The following EP300 variants were observed in gnomAD, a reference collection of about 807,000 sequenced individuals.
EP300 encodes the protein EP300 lysine acetyltransferase.
Under a neutral mutation model 264.0 loss-of-function variants are expected in EP300, and 31 were observed. The ratio of observed to expected loss-of-function variants is 0.12; its 90% CI spans 0.09 to 0.16. The LOEUF is 0.16. EP300 is among the 10% of genes least tolerant of loss of function. The pLI, the probability that EP300 is intolerant of heterozygous loss-of-function variation, is 1.00. For missense variants in EP300, 2,766 were observed against 3,052.9 expected (o/e 0.91, Z 2.21); for synonymous variants, 1,340 against 1,045.4 (o/e 1.28, Z -5.44).
intron 1 of EP300, among the ~76,000 whole-genome samples, chr22:41,099,565 CTA>C (rs1397040956): frequency 6.6e-6 from 1 of 152,158 alleles, no homozygotes; most frequent in Non-Finnish European, 1.5e-5. Flanking sequence ...AACAGCAAAA[CTA>C]TCACGAATTT....
chr22:41,176,549 A>C (rs1401125790), intron 30 of EP300, 21 bp downstream of exon 30: 2 of 1,613,216 alleles, frequency 1.2e-6, no homozygotes, highest in African/African-American at 2.7e-5. Context: ...GGTTGTGGGA[A>C]GGAGGAGGTG....
chr22:41,152,018 A>G lies in EP300; in HGVS notation c.2997+6A>G. 6.2e-7 allele frequency: 1 copy of G among 1,614,180 alleles called. No homozygotes were observed. Among genetic ancestry groups the G allele is most frequent in the Non-Finnish European group, 8.5e-7 (1 of 1,180,022 alleles). ...AGCCGGAGGATATTTCAGAGGTGAG[A>G]GTAGGGCAATTACTGTTTGATTTGG... On this transcript the variant is annotated splice_donor_region_variant and intron_variant, in intron 15 of 30. Coordinates refer to ENST00000263253, the MANE Select transcript of EP300 (RefSeq NM_001429.4).
intron 5 of EP300, 81 bp from the exon 6 acceptor site, chr22:41,131,307 G>T: frequency 1.4e-6 from 2 of 1,432,216 alleles, no homozygotes; most frequent in Non-Finnish European, 2.0e-6. Flanking sequence ...CAATAATTTT[G>T]TGGGGTTTTT....
intron 1 of EP300, among the ~76,000 whole-genome samples, chr22:41,109,268 A>AC (rs2058775447): frequency 6.6e-6 from 1 of 150,482 alleles, no homozygotes; most frequent in African/African-American, 2.4e-5. Flanking sequence ...AAAAAAAAAA[A>AC]CAAAAAAAAA....
chr22:41,162,838 C>T, intron 21 of EP300, 59 bp downstream of exon 21: 1 of 1,447,926 alleles, frequency 6.9e-7, no homozygotes, highest in Non-Finnish European at 9.7e-7. Context: ...CCCTTTCATT[C>T]TCTTGAAGTT....
In EP300 at chr22:41,137,676, G is replaced by A. The variant is rs753017200; in HGVS notation, c.1646G>A (p.Ser549Asn). The change falls in exon 8 of 31, where the codon AGT becomes AAT. Residue 549 changes from serine (S) to asparagine (N), a missense_variant. Physicochemically the swap from Ser to Asn is conservative, Grantham distance 46. Transcript: ENST00000263253. ...SQNPMMSENA[S>N]VPSLGPMPTA... ...AGCCCAATGATGAGTGAAAATGCCAGTGTGCCCTCCCTGGGTCCTATGCCA... is the reference window on the plus strand; with the variant it reads ...AGCCCAATGATGAGTGAAAATGCCAATGTGCCCTCCCTGGGTCCTATGCCA... 2.5e-6 allele frequency: 4 copies of A among 1,614,126 alleles called. No homozygotes were observed. Among genetic ancestry groups the A allele is most frequent in the Non-Finnish European group, 3.4e-6 (4 of 1,180,032 alleles).
Position 41,178,150 on chromosome 22 carries a change from C to G in EP300, c.6439C>G (p.Gln2147Glu), listed in dbSNP as rs757934635. The change falls in exon 31 of 31, where the codon CAG becomes GAG. Residue 2147 changes from glutamine to glutamate, a missense_variant. Coordinates refer to ENST00000263253, the MANE Select transcript of EP300 (RefSeq NM_001429.4). Reference sequence around the variant, plus strand: ...GGGCGTTCAGAGGGCTGGCCTGCCCCAGCAGCAACCACAGCAGCAACTCCA... The same window carrying G: ...GGGCGTTCAGAGGGCTGGCCTGCCCGAGCAGCAACCACAGCAGCAACTCCA... ...QAGVQRAGLP[Q>E]QQPQQQLQPP... is the part of the protein sequence containing the mutation. The G allele has an allele frequency of 6.2e-7, 1 of 1,614,060 alleles. No homozygotes were observed. Among genetic ancestry groups the G allele is most frequent in the South Asian group, 1.1e-5 (1 of 91,084 alleles).
intron 2 of EP300, among the ~76,000 whole-genome samples, chr22:41,123,306 A>T (rs1569093663): frequency 6.6e-6 from 1 of 152,210 alleles, no homozygotes; most frequent in East Asian, 1.9e-4. Flanking sequence ...CAAATGCTGG[A>T]GGCTCAAGGA....
chr22:41,105,008 C>T (rs1281435045), intron 1 of EP300, among the ~76,000 whole-genome samples: 2 of 151,720 alleles, frequency 1.3e-5, no homozygotes, highest in Non-Finnish European at 2.9e-5. Flanking sequence ...ACTAAAAATA[C>T]AAAAAAATTA....
At chr22:41,169,286 C>T (rs1297820350) in intron 25 of EP300, 1 of 593,490 alleles carries the variant, frequency 1.7e-6, no homozygotes, top group Non-Finnish European at 3.0e-6. Context: ...GTGCCAGGCA[C>T]TGCTAGTTAC....
At chr22:41,097,967 T>TA (rs1451989984) in intron 1 of EP300, among the ~76,000 whole-genome samples, 1 of 152,020 alleles carries the variant, frequency 6.6e-6, no homozygotes, top group African/African-American at 2.4e-5. Context: ...GTGCTGGGAT[T>TA]ACAGGCGTGA....
chr22:41,172,395 A>G (rs1601635808), intron 27 of EP300, 104 bp from the exon 28 acceptor site: 1 of 1,082,480 alleles, frequency 9.2e-7, no homozygotes, highest in Non-Finnish European at 1.4e-6. Context: ...CCAGCTTTCA[A>G]GACATTTTAA....
intron 27 of EP300, among the ~76,000 whole-genome samples, chr22:41,171,712 A>G (rs1569118072): frequency 6.6e-6 from 1 of 151,564 alleles, no homozygotes; most frequent in East Asian, 1.9e-4. Flanking sequence ...CCTGGGTTCA[A>G]GTGATGGTCC....
chr22:41,168,193 T>C (rs1025251903), intron 23 of EP300: 6 of 484,986 alleles, frequency 1.2e-5, no homozygotes, highest in East Asian at 3.9e-5. Context: ...GAAAATGATA[T>C]TTAGAAATTA....
At chr22:41,144,391 G>T (rs532623101) in intron 10 of EP300, among the ~76,000 whole-genome samples, 1 of 151,790 alleles carries the variant, frequency 6.6e-6, no homozygotes, top group South Asian at 2.1e-4. Flanking sequence ...GGTCTGTTTC[G>T]CCCAGCCTGG....
intron 28 of EP300, among the ~76,000 whole-genome samples, chr22:41,172,933 A>G (rs547438149): frequency 1.6e-4 from 25 of 152,356 alleles, no homozygotes; most frequent in Middle Eastern, 3.4e-3. Context: ...AAAAACTGAT[A>G]GAAGATTACT....
Position 41,149,835 on chromosome 22 carries a change from C to G in EP300, c.2454C>G (p.His818Gln). The G allele has an allele frequency of 1.9e-6, 3 of 1,614,148 alleles. No individual in the cohort carries two copies. In the South Asian group the frequency reaches 3.3e-5, roughly 18 times the overall value. The change falls in exon 14 of 31, where the codon CAC becomes CAG. Residue 818 changes from histidine to glutamine, a missense_variant. Physicochemically the swap from His to Gln is conservative, Grantham distance 24. Transcript: ENST00000263253. ...CAGGGTCTCAGGGGAGCCACATTCA[C>G]TGTCCCCAGCTTCCTCAACCAGCTC... Reference protein sequence around the residue: ...MPPGSQGSHIHCPQLPQPALH... With the variant: ...MPPGSQGSHIQCPQLPQPALH...
At chr22:41,132,025 G>A (rs868570687) in intron 6 of EP300, among the ~76,000 whole-genome samples, 3 of 151,738 alleles carry the variant, frequency 2.0e-5, no homozygotes, top group South Asian at 2.1e-4. Context: ...GTGAAACCCC[G>A]TCTCTACTAA....
rs764434760 is a variant in EP300, at chr22:41,119,173, TTA to T, written c.729+1354_729+1355del. 1.0e-3 allele frequency among the ~76,000 whole-genome samples: 72 copies of T among 70,766 alleles called. 5 individuals are homozygous for T. The Middle Eastern group carries it at 0.019, about 19-fold the overall frequency. 46.4% of individuals were successfully genotyped at this position (70,766 alleles called of 152,430 possible). Reference sequence around the variant, plus strand: ...ACATACCACCATGCCTGGCTTATTATTATTTTTTTTTTTTTTTTTTTTTTTTT... The same window carrying T: ...ACATACCACCATGCCTGGCTTATTATTTTTTTTTTTTTTTTTTTTTTTTTT... On this transcript the variant is annotated intron_variant, in intron 2 of 30. Transcript: ENST00000263253.
Sources: allele counts gnomAD v4.1 joint callset (sites outside exome capture counted in the v4.1 genomes callset), GRCh38; gene constraint gnomAD v4.1.1; transcripts MANE v1.5; gene names NCBI Gene and HGNC (gene_info 2026-07-23, HGNC 2026-07-21).